Variants in ZCCHC17 observed in about 807,000 individuals in gnomAD.
ZCCHC17 encodes zinc finger CCHC domain-containing protein 17.
ZCCHC17 carries 18 observed loss-of-function variants against 30.6 expected under a neutral mutation model. That is an observed-to-expected ratio of 0.59 (90% CI 0.41 to 0.87). The LOEUF is 0.87. Among genes scored for constraint, ZCCHC17 ranks in the 40% least tolerant of loss-of-function variants. The probability of loss-of-function intolerance (pLI) is 0.00; values close to 1 mark genes in which losing one functional copy is unlikely to be tolerated. For missense variants in ZCCHC17, 263 were observed against 284.2 expected, an observed-to-expected ratio of 0.93 and a Z score of 0.54; for synonymous variants, 88 against 92.4, an observed-to-expected ratio of 0.95 and a Z score of 0.27.
chr1:31,301,818 TTGGCTA>T (rs1646319154), intron 1 of ZCCHC17, among the ~76,000 whole-genome samples: 2 of 152,226 alleles, frequency 1.3e-5, no homozygotes, highest in Admixed American at 1.3e-4. Flanking sequence ...TTTCCTGCTT[TTGGCTA>T]TTTTCTCAAC....
At chr1:31,297,318 G>A in intron 1 of ZCCHC17, 3 of 396,586 alleles carry the variant, frequency 7.6e-6, no homozygotes, top group Non-Finnish European at 1.3e-5. Context: ...CGCCCATCGT[G>A]GCCAGTCCTG....
chr1:31,339,206 T>C (rs1210905929), intron 5 of ZCCHC17, among the ~76,000 whole-genome samples, 158 bp downstream of exon 5: 1 of 152,138 alleles, frequency 6.6e-6, no homozygotes, highest in East Asian at 1.9e-4. Context: ...AAATGTAAAA[T>C]GAAGTTAGAC....
In ZCCHC17 at chr1:31,297,054, G is replaced by T. The variant is rs377389233; in HGVS notation, c.-77G>T. On this transcript the variant is annotated 5_prime_UTR_variant, in exon 1 of 8. Coordinates refer to ENST00000344147, the MANE Select transcript of ZCCHC17 (RefSeq NM_016505.4). ...GGCGTTTAGTTCAGCGCAGCGACTC[G>T]GGGACCTGGAGCTGACGCCTAGTAC... The T allele has an allele frequency of 5.4e-5, 24 of 444,264 alleles. No individual in the cohort carries two copies. Among genetic ancestry groups the T allele is most frequent in the African/African-American group, 4.2e-4 (21 of 49,434 alleles). 27.5% of individuals were successfully genotyped at this position (444,264 alleles called of 1,614,324 possible).
intron 2 of ZCCHC17, among the ~76,000 whole-genome samples, chr1:31,314,740 C>T (rs781711210): frequency 2.0e-4 from 31 of 152,038 alleles, no homozygotes; most frequent in Non-Finnish European, 1.9e-4. Context: ...CTTCCTCTGT[C>T]GCTCAGGCTG....
At chr1:31,348,182 C>T (rs540972500) in intron 6 of ZCCHC17, among the ~76,000 whole-genome samples, 1 of 152,284 alleles carries the variant, frequency 6.6e-6, no homozygotes, top group Non-Finnish European at 1.5e-5. Flanking sequence ...AAGCACAGGG[C>T]AGGGAGGCAT....
Position 31,319,139 on chromosome 1 carries a change from A to G in ZCCHC17, c.97A>G (p.Ile33Val), listed in dbSNP as rs1300161613. ...VAMVTDYGAF[I>V]KIPGCRKQGL... is the part of the protein sequence containing the mutation. ...TATGGTGACAGACTATGGGGCCTTT[A>G]TCAAAATCCCAGGCTGTCGGAAGCA... The change falls in exon 3 of 8, where the codon ATC becomes GTC. Residue 33 changes from isoleucine to valine, a missense_variant. By Grantham distance (29) the Ile-to-Val change is conservative. Coordinates refer to ENST00000344147, the MANE Select transcript of ZCCHC17 (RefSeq NM_016505.4). The G allele has an allele frequency of 1.2e-6, 2 of 1,610,760 alleles. No homozygotes were observed. Among genetic ancestry groups the G allele is most frequent in the Non-Finnish European group, 1.7e-6 (2 of 1,177,548 alleles).
rs1334442936 is a variant in ZCCHC17, at chr1:31,364,057, A to G, written c.590A>G (p.Asp197Gly). 6.2e-7 allele frequency: 1 copy of G among 1,613,606 alleles called. No individual in the cohort carries two copies. Among genetic ancestry groups the G allele is most frequent in the Non-Finnish European group, 8.5e-7 (1 of 1,179,828 alleles). The change falls in exon 8 of 8, where the codon GAT (aspartate) becomes GGT (glycine). Residue 197 changes from aspartate (D) to glycine (G), a missense_variant. Asp to Gly is a moderately conservative substitution (Grantham distance 94). Transcript: ENST00000344147. ...KKEKKKKKHRDRKSSDSDSSD... is the reference protein window; with the variant it reads ...KKEKKKKKHRGRKSSDSDSSD... ...GAGAAGAAGAAAAAGAAACATAGAG[A>G]TAGGAAGTCATCTGACTCTGACAGC...
intron 2 of ZCCHC17, among the ~76,000 whole-genome samples, chr1:31,312,347 TG>T (rs1300997552): frequency 1.3e-5 from 2 of 152,202 alleles, no homozygotes; most frequent in African/African-American, 4.8e-5. Context: ...GTGTCTGTTT[TG>T]TTGTATATCT....
chr1:31,319,499 C>A (rs1646812211), intron 3 of ZCCHC17, among the ~76,000 whole-genome samples: 1 of 152,098 alleles, frequency 6.6e-6, no homozygotes, highest in Non-Finnish European at 1.5e-5. Flanking sequence ...CTGAGGCTGA[C>A]AGTGTGAGTT....
intron 7 of ZCCHC17, among the ~76,000 whole-genome samples, chr1:31,353,750 C>T (rs981344502): frequency 1.8e-4 from 27 of 152,170 alleles, no homozygotes; most frequent in Non-Finnish European, 3.5e-4. Context: ...CTGTCCTTTT[C>T]CCCACTGAAT....
chr1:31,298,272 C>A (rs1646216799), intron 1 of ZCCHC17, among the ~76,000 whole-genome samples: 1 of 152,068 alleles, frequency 6.6e-6, no homozygotes, highest in African/African-American at 2.4e-5. Flanking sequence ...AAAGGTAACT[C>A]CTAGGTTTCT....
intron 1 of ZCCHC17, chr1:31,297,316 G>C (rs1290670875): frequency 5.0e-6 from 2 of 396,514 alleles, no homozygotes; most frequent in Non-Finnish European, 8.9e-6. Flanking sequence ...AGCGCCCATC[G>C]TGGCCAGTCC....
chr1:31,317,287 A>T (rs1646759608), intron 2 of ZCCHC17, among the ~76,000 whole-genome samples: 1 of 152,084 alleles, frequency 6.6e-6, no homozygotes, highest in African/African-American at 2.4e-5. Flanking sequence ...GCCCTTTCAA[A>T]GTGCTAGGAT....
intron 1 of ZCCHC17, among the ~76,000 whole-genome samples, chr1:31,303,675 A>G (rs1372864552): frequency 6.6e-6 from 1 of 152,178 alleles, no homozygotes; most frequent in African/African-American, 2.4e-5. Flanking sequence ...AAACTATCAC[A>G]TAATTATGGA....
intron 7 of ZCCHC17, among the ~76,000 whole-genome samples, chr1:31,349,888 A>G (rs1447759504): frequency 6.6e-6 from 1 of 152,174 alleles, no homozygotes; most frequent in African/African-American, 2.4e-5. Context: ...ATTTTTGGCC[A>G]CATCTCTTAT....
chr1:31,324,511 G>A (rs754046191), intron 3 of ZCCHC17, among the ~76,000 whole-genome samples: 3 of 152,216 alleles, frequency 2.0e-5, no homozygotes, highest in African/African-American at 7.2e-5. Context: ...TTGGAGGTCC[G>A]GGAAGACCCC....
intron 2 of ZCCHC17, chr1:31,318,038 C>T (rs1646777763): frequency 4.6e-6 from 3 of 655,976 alleles, no homozygotes; most frequent in Non-Finnish European, 7.2e-6. Context: ...ATAATAGTAC[C>T]AACTCTGTAC....
Position 31,364,308 on chromosome 1 carries a change from C to A in ZCCHC17, c.*115C>A. 7.0e-7 allele frequency: 1 copy of A among 1,437,726 alleles called. No individual in the cohort carries two copies. The highest frequency in any genetic ancestry group is 2.5e-5 in the East Asian group (1 of 40,122). 89.1% of individuals were successfully genotyped at this position (1,437,726 alleles called of 1,614,324 possible). A position where few individuals can be genotyped will look rare whatever the true frequency, so the allele number is the denominator to read the frequency against. On this transcript the variant is annotated 3_prime_UTR_variant, in exon 8 of 8. Transcript: ENST00000344147. ...AGCCTCCCACCCCATTAACTTCGCT[C>A]CCATGGGAGATGGCTTCCCCTCATG...
At chr1:31,361,830 G>T (rs1639912514) in intron 7 of ZCCHC17, among the ~76,000 whole-genome samples, 1 of 133,522 alleles carries the variant, frequency 7.5e-6, no homozygotes, top group Middle Eastern at 3.7e-3. Flanking sequence ...TATTTATTTT[G>T]AGACAGGGTC....
Sources: allele counts gnomAD v4.1 joint callset (sites outside exome capture counted in the v4.1 genomes callset), GRCh38; gene constraint gnomAD v4.1.1; transcripts MANE v1.5; gene names NCBI Gene and HGNC (gene_info 2026-07-23, HGNC 2026-07-21).